The following TMC7 variants were observed in gnomAD, a reference collection of about 807,000 sequenced individuals.
TMC7 encodes the protein transmembrane channel like 7, also known as transmembrane channel-like protein 7.
TMC7 carries 54 observed loss-of-function variants against 82.9 expected under a neutral mutation model. That is an observed-to-expected ratio of 0.65 (90% confidence interval 0.52 to 0.82). The LOEUF (loss-of-function observed/expected upper bound fraction) is 0.82, where lower values mean the gene tolerates loss of function less well. TMC7 is among the 40% of genes least tolerant of loss of function. The pLI, the probability that TMC7 is intolerant of heterozygous loss-of-function variation, is 0.00. For synonymous variants in TMC7, 350 were observed against 337.9 expected, an observed-to-expected ratio of 1.04 and a Z score of -0.39; for missense variants, 820 against 901.2, an observed-to-expected ratio of 0.91 and a Z score of 1.15.
intron 1 of TMC7, among the ~76,000 whole-genome samples, chr16:19,002,234 CTTT>C (rs558887362): frequency 4.7e-5 from 6 of 127,096 alleles, no homozygotes; most frequent in Admixed American, 2.5e-4. Context: ...TGGAGGGCCG[CTTT>C]TTTTTTTTTT....
At chr16:18,989,508 G>A (rs1373484486) in intron 1 of TMC7, among the ~76,000 whole-genome samples, 3 of 148,862 alleles carry the variant, frequency 2.0e-5, no homozygotes, top group East Asian at 3.9e-4. Flanking sequence ...TTTTAAAGGA[G>A]CATTGTTTGG....
At chr16:19,002,544 A>G (rs755266623) in intron 1 of TMC7, among the ~76,000 whole-genome samples, 3 of 152,132 alleles carry the variant, frequency 2.0e-5, no homozygotes, top group Non-Finnish European at 2.9e-5. Flanking sequence ...GCCCGGATGG[A>G]GGGCCTTCTG....
Position 19,051,778 on chromosome 16 carries a change from G to T in TMC7, c.1833G>T (p.Leu611=). 1.2e-6 allele frequency: 2 copies of T among 1,614,076 alleles called. No individual in the cohort carries two copies. The highest frequency in any genetic ancestry group is 1.7e-6 in the Non-Finnish European group (2 of 1,180,024). Residue 611 remains leucine (L), a synonymous_variant, in exon 13 of 16, where the codon CTG becomes CTT. Transcript: ENST00000304381. ...FFFLLVLLIG[L]CLAIIPLTIS... ...TCCTGTTGGTGTTGTTGATCGGGCT[G>T]TGTTTGGCAATAATACCTCTGACAA...
chr16:19,015,570 G>GT (rs869231364), intron 2 of TMC7, among the ~76,000 whole-genome samples: 4,973 of 139,920 alleles, frequency 0.036, 142 homozygotes, highest in African/African-American at 0.079. Context: ...CTCAAGACAA[G>GT]TTTTTTTTTT....
At chr16:19,019,859 A>G (rs899407153) in intron 3 of TMC7, among the ~76,000 whole-genome samples, 1 of 152,178 alleles carries the variant, frequency 6.6e-6, no homozygotes, top group African/African-American at 2.4e-5. Context: ...TGCAGGTGTG[A>G]TAATTAAATT....
chr16:19,003,972 A>G (rs1322095209), intron 1 of TMC7, among the ~76,000 whole-genome samples: 1 of 137,218 alleles, frequency 7.3e-6, no homozygotes, highest in Non-Finnish European at 1.6e-5. Flanking sequence ...TCCCTCCACT[A>G]TTGTCCCATG....
chr16:19,032,217 T>C (rs1482310569), intron 6 of TMC7, among the ~76,000 whole-genome samples: 2 of 152,164 alleles, frequency 1.3e-5, no homozygotes, highest in Admixed American at 1.3e-4. Context: ...ACCAGGGTGC[T>C]GTGGATTGAT....
rs745789271 is a variant in TMC7, at chr16:19,037,966, C to T, written c.1098C>T (p.Asn366=). The change falls in exon 8 of 16, where the codon AAC becomes AAT. Residue 366 remains asparagine, a synonymous_variant. Transcript: ENST00000304381. ...TTTACTCTTTGAGACTGTTTTTGAA[C>T]TGTATTGTTCTGGCTGTTTTAGGGG... ...IRIYSLRLFL[N]CIVLAVLGAC... is the part of the protein sequence containing the mutation. 1.2e-6 allele frequency: 2 copies of T among 1,614,078 alleles called. No individual in the cohort carries two copies. Among genetic ancestry groups the T allele is most frequent in the Non-Finnish European group, 8.5e-7 (1 of 1,179,996 alleles).
intron 14 of TMC7, among the ~76,000 whole-genome samples, chr16:19,059,063 AG>A (rs1467611753): frequency 6.6e-6 from 1 of 152,142 alleles, no homozygotes; most frequent in Non-Finnish European, 1.5e-5. Flanking sequence ...TTTTTAGTAG[AG>A]ACGGGGTTTC....
chr16:19,056,794 A>T, intron 14 of TMC7, 97 bp downstream of exon 14: 2 of 1,371,470 alleles, frequency 1.5e-6, no homozygotes, highest in Non-Finnish European at 2.0e-6. Context: ...TTGACAAGTT[A>T]CTGAGCTTCT....
intron 2 of TMC7, 32 bp from the exon 3 acceptor site, chr16:19,016,418 T>C: frequency 6.2e-7 from 1 of 1,613,158 alleles, no homozygotes; most frequent in Non-Finnish European, 8.5e-7. Context: ...GCTGCTGTTG[T>C]TGTCATTGTC....
At chr16:19,008,664 T>C (rs969112503) in intron 1 of TMC7, among the ~76,000 whole-genome samples, 1 of 152,168 alleles carries the variant, frequency 6.6e-6, no homozygotes, top group Non-Finnish European at 1.5e-5. Context: ...CCCATGAATA[T>C]GTGTGAAGCT....
intron 8 of TMC7, among the ~76,000 whole-genome samples, chr16:19,040,008 C>T (rs972364176): frequency 2.0e-5 from 3 of 146,630 alleles, no homozygotes; most frequent in African/African-American, 5.0e-5. Context: ...CCCAGCTACT[C>T]GGGAGGCTGA....
At chr16:19,037,191 C>G (rs1960786179) in intron 7 of TMC7, among the ~76,000 whole-genome samples, 1 of 151,506 alleles carries the variant, frequency 6.6e-6, no homozygotes, top group Non-Finnish European at 1.5e-5. Flanking sequence ...AGATTGAGAC[C>G]ATCCTGGCCA....
At chr16:18,991,117 A>G (rs569141392) in intron 1 of TMC7, among the ~76,000 whole-genome samples, 12 of 152,326 alleles carry the variant, frequency 7.9e-5, no homozygotes, top group African/African-American at 2.4e-4. Flanking sequence ...GACTAGGGGC[A>G]GCATGGGAAC....
intron 3 of TMC7, among the ~76,000 whole-genome samples, chr16:19,020,075 C>G (rs1286036038): frequency 6.6e-6 from 1 of 152,024 alleles, no homozygotes; most frequent in East Asian, 1.9e-4. Context: ...ATGTAATTCA[C>G]CACAAAACAG....
chr16:19,002,789 G>A (rs556043186), intron 1 of TMC7, among the ~76,000 whole-genome samples: 1 of 152,222 alleles, frequency 6.6e-6, no homozygotes, highest in African/African-American at 2.4e-5. Flanking sequence ...ACCTGCTCCT[G>A]TGCAGATGGT....
At chr16:19,015,570 G>GTTT (rs869231364) in intron 2 of TMC7, among the ~76,000 whole-genome samples, 1 of 139,994 alleles carries the variant, frequency 7.1e-6, no homozygotes, top group African/African-American at 2.6e-5. Flanking sequence ...CTCAAGACAA[G>GTTT]TTTTTTTTTT....
intron 3 of TMC7, among the ~76,000 whole-genome samples, chr16:19,017,120 C>T (rs140122989): frequency 0.013 from 2,043 of 152,008 alleles, 39 homozygotes; most frequent in African/African-American, 0.045. Flanking sequence ...GGGAGGTGGA[C>T]GTTGCAGTGA....
Sources: gnomAD v4.1 joint callset for allele counts (sites outside exome capture counted in the v4.1 genomes callset) on GRCh38, gnomAD v4.1.1 for gene constraint, MANE v1.5 for transcripts, NCBI Gene and HGNC (gene_info 2026-07-23, HGNC 2026-07-21) for gene names.